The following CFAP298 variants were observed in gnomAD, a reference collection of about 807,000 sequenced individuals.
CFAP298 encodes the protein cilia and flagella associated protein 298, also known as cilia- and flagella-associated protein 298.
CFAP298 carries 38 observed loss-of-function variants against 41.0 expected under a neutral mutation model. The observed-to-expected ratio is 0.93, with a 90% CI of 0.72 to 1.22. The LOEUF is 1.22. Ranked by LOEUF, CFAP298 falls within the 50% of genes most tolerant of loss-of-function variation. CFAP298 has a pLI of 0.00. For missense variants in CFAP298, 348 were observed against 360.3 expected (o/e 0.97, Z 0.28); for synonymous variants, 137 against 135.3 (o/e 1.01, Z -0.09).
chr21:32,611,302 T>TCA (rs1164125067), intron 1 of CFAP298, among the ~76,000 whole-genome samples: 6 of 140,678 alleles, frequency 4.3e-5, no homozygotes, highest in Admixed American at 1.4e-4. Flanking sequence ...ACCCTGTCTC[T>TCA]CACACACACA....
chr21:32,607,016 T>C (rs1202779838), intron 3 of CFAP298, among the ~76,000 whole-genome samples: 2 of 152,162 alleles, frequency 1.3e-5, no homozygotes, highest in African/African-American at 4.8e-5. Flanking sequence ...AATATTCAAA[T>C]CTCCCCTACT....
rs1181863916 is a variant in CFAP298, at chr21:32,609,868, T to C, written c.277A>G (p.Lys93Glu). The change falls in exon 2 of 7, where the codon AAG (lysine) becomes GAG (glutamate). Residue 93 changes from lysine (K) to glutamate (E), a missense_variant. By Grantham distance (56) the Lys-to-Glu change is moderately conservative. Coordinates refer to ENST00000290155, the MANE Select transcript of CFAP298 (RefSeq NM_021254.4). ...CVPSGGAVFK[K>E]DDIGRRNGQA... The stretch of plus-strand genomic sequence containing the variant: ...CCATTCCTTCGTCCAATATCATCCT[T>C]TTTAAACACTGCACCTCCGCTGGGT... The C allele has an allele frequency of 6.2e-7, 1 of 1,614,080 alleles. No homozygotes were observed. The highest frequency in any genetic ancestry group is 8.5e-7 in the Non-Finnish European group (1 of 1,180,016).
chr21:32,612,274 G>A lies in CFAP298; in HGVS notation c.-31C>T, dbSNP rs1224177143. 9 of 1,449,236 alleles carry A rather than the reference G, an allele frequency of 6.2e-6. No individual in the cohort carries two copies. The highest frequency in any genetic ancestry group is 7.6e-6 in the Non-Finnish European group (8 of 1,050,594). The allele number at this position is 1,449,236 out of a possible 1,614,324, so 89.8% of individuals were successfully genotyped here. ...TCCCGCCGAGGTACTGAGGCGTTGA[G>A]AAGGCCCCGGCTGCGTGGCCCGCGG... On this transcript the variant is annotated 5_prime_UTR_variant, in exon 1 of 7. Coordinates refer to ENST00000290155, the MANE Select transcript of CFAP298 (RefSeq NM_021254.4).
At chr21:32,605,699 G>A (rs1568993796) in intron 3 of CFAP298, among the ~76,000 whole-genome samples, 1 of 152,202 alleles carries the variant, frequency 6.6e-6, no homozygotes, top group African/African-American at 2.4e-5. Flanking sequence ...CACAAGTATG[G>A]GTGGCCTGGG....
At chr21:32,602,519 A>G (rs1007045986) in intron 5 of CFAP298, 152 bp from the exon 6 acceptor site, 19 of 1,440,484 alleles carry the variant, frequency 1.3e-5, no homozygotes, top group Non-Finnish European at 1.7e-5. Flanking sequence ...GCATCAAGGG[A>G]AGCCTTGGTC....
chr21:32,609,821 G>A lies in CFAP298; in HGVS notation c.307+17C>T. On this transcript the variant is annotated intron_variant, in intron 2 of 6. Coordinates refer to ENST00000290155, the MANE Select transcript of CFAP298 (RefSeq NM_021254.4). The stretch of plus-strand genomic sequence containing the variant: ...GCCTGTATCAAGCATGCACATAGAA[G>A]AGAAATCCTCACTTACCTTGCCCAT... 6.2e-7 allele frequency: 1 copy of A among 1,607,194 alleles called. No homozygotes were observed. Among genetic ancestry groups the A allele is most frequent in the Non-Finnish European group, 8.5e-7 (1 of 1,175,652 alleles).
At chr21:32,612,049 TC>T in intron 1 of CFAP298, 55 bp downstream of exon 1, 1 of 1,475,630 alleles carries the variant, frequency 6.8e-7, no homozygotes, top group East Asian at 2.6e-5. Flanking sequence ...CCCCTCTTTC[TC>T]CATCCCACGC....
intron 3 of CFAP298, among the ~76,000 whole-genome samples, chr21:32,606,426 G>A (rs905204922): frequency 1.3e-5 from 2 of 152,120 alleles, no homozygotes; most frequent in Non-Finnish European, 2.9e-5. Context: ...GAAGTGAGGC[G>A]ACCGAGAGAG....
rs377551096 is a variant in CFAP298 at position 32,601,454 on chromosome 21, T to C, written c.*409A>G. On this transcript the variant is annotated 3_prime_UTR_variant, in exon 7 of 7. Coordinates refer to ENST00000290155, the MANE Select transcript of CFAP298 (RefSeq NM_021254.4). ...CTGGGACTACAGGCGCCTGCCACCA[T>C]GCCCGGCTAATTTTTTGTATTTTTA... is the stretch of plus-strand genomic sequence containing the variant. Among the ~76,000 whole-genome samples the C allele has an allele frequency of 9.4e-4, 142 of 151,870 alleles. 2 individuals carry two copies. The highest frequency in any genetic ancestry group is 1.0e-3 in the Non-Finnish European group (68 of 67,902).
rs1422223421 is a variant in CFAP298 at position 32,599,545 on chromosome 21, CCA to C, written c.*2316_*2317del. Among the ~76,000 whole-genome samples the C allele has an allele frequency of 6.6e-6, 1 of 152,120 alleles. No individual in the cohort carries two copies. The highest frequency in any genetic ancestry group is 1.5e-5 in the Non-Finnish European group (1 of 68,020). Reference sequence around the variant, plus strand: ...AAAAAAGAAGAAAATAACAACAAGACCACAGACTTAAGCTGATCAGTGGTCTA... The same window carrying C: ...AAAAAAGAAGAAAATAACAACAAGACCAGACTTAAGCTGATCAGTGGTCTA... On this transcript the variant is annotated 3_prime_UTR_variant, in exon 7 of 7. Transcript: ENST00000290155.
Position 32,602,364 on chromosome 21 carries a change from C to T in CFAP298, c.670G>A (p.Gly224Arg), listed in dbSNP as rs758921317. The T allele has an allele frequency of 2.5e-6, 4 of 1,612,834 alleles. No homozygotes were observed. The South Asian group carries it at 4.4e-5, about 18-fold the overall frequency. ...GGCTCTCGGGCTGGAGCTCCCTGTC[C>T]CCTCTGCAAAGAGGAGAGCAGAGCA... ...TKIIAKIQQRGQGAPAREPII... is the reference protein window; with the variant it reads ...TKIIAKIQQRRQGAPAREPII... Residue 224 changes from glycine to arginine, a missense_variant, in exon 6 of 7, where the codon GGA (glycine) becomes AGA (arginine). Gly to Arg is a moderately radical substitution (Grantham distance 125). Coordinates refer to ENST00000290155, the MANE Select transcript of CFAP298 (RefSeq NM_021254.4).
chr21:32,600,011 G>T lies in CFAP298; in HGVS notation c.*1852C>A, dbSNP rs2038710552. Among the ~76,000 whole-genome samples, 1 of 152,174 alleles carries T rather than the reference G, an allele frequency of 6.6e-6. No individual in the cohort carries two copies. Among genetic ancestry groups the T allele is most frequent in the Non-Finnish European group, 1.5e-5 (1 of 68,026 alleles). ...TGCAGGCTCAGTAAGACTTTCTAAT[G>T]ATATTGAAGTAGTAGTTCCCTGAAA... On this transcript the variant is annotated 3_prime_UTR_variant, in exon 7 of 7. Transcript: ENST00000290155.
intron 1 of CFAP298, among the ~76,000 whole-genome samples, chr21:32,610,257 C>CGCGATCTCAGCTCACTGCA (rs930858799): frequency 4.7e-4 from 71 of 152,196 alleles, no homozygotes; most frequent in African/African-American, 1.7e-3. Flanking sequence ...AGTGCAGTGG[C>CGCGATCTCAGCTCACTGCA]GCGATCTCAG....
chr21:32,601,376 T>C lies in CFAP298; in HGVS notation c.*487A>G, dbSNP rs1839680566. ...CAGTGGCAGTGATCTTGGCTCACTG[T>C]AAGCTCCACCTCCCGGGTTCACGCC... On this transcript the variant is annotated 3_prime_UTR_variant, in exon 7 of 7. Coordinates refer to ENST00000290155, the MANE Select transcript of CFAP298 (RefSeq NM_021254.4). 6.8e-6 allele frequency among the ~76,000 whole-genome samples: 1 copy of C among 147,820 alleles called. No homozygotes were observed. The highest frequency in any genetic ancestry group is 2.2e-4 in the South Asian group (1 of 4,570).
Position 32,611,318 on chromosome 21 carries a change from CATAT to C in CFAP298, c.139+783_139+786del, listed in dbSNP as rs71193198. 5.2e-5 allele frequency among the ~76,000 whole-genome samples: 6 copies of C among 114,842 alleles called. 1 individual carries two copies. Among genetic ancestry groups the C allele is most frequent in the South Asian group, 2.9e-4 (1 of 3,448 alleles). 75.3% of individuals were successfully genotyped at this position (114,842 alleles called of 152,430 possible). On this transcript the variant is annotated intron_variant, in intron 1 of 6. Transcript: ENST00000290155. ...CCCTGTCTCTCACACACACACATAC[CATAT>C]ATATATATATATATATAATTTATTT... is the stretch of plus-strand genomic sequence containing the variant.
At chr21:32,611,339 A>ATATATATATATATATATATATAAT (rs1555884102) in intron 1 of CFAP298, among the ~76,000 whole-genome samples, 1 of 124,118 alleles carries the variant, frequency 8.1e-6, no homozygotes. Context: ...ATATATATAT[A>ATATATATATATATATATATATAAT]ATTTATTTAT....
chr21:32,601,948 G>A lies in CFAP298; in HGVS notation c.788C>T (p.Ala263Val), dbSNP rs1447847759. 2 of 1,606,500 alleles carry A rather than the reference G, an allele frequency of 1.2e-6. No homozygotes were observed. The highest frequency in any genetic ancestry group is 2.2e-5 in the South Asian group (2 of 90,938). The change falls in exon 7 of 7, where the codon GCC becomes GTC. Residue 263 changes from alanine to valine, a missense_variant. By Grantham distance (64) the Ala-to-Val change is moderately conservative (BLOSUM62 0). Coordinates refer to ENST00000290155, the MANE Select transcript of CFAP298 (RefSeq NM_021254.4). ...ATCCGCCCATGGTGAGTTTAAATAG[G>A]CATCATCATCATTTTCTTCCAATCT... ...LKRLEENDDD[A>V]YLNSPWADNT...
intron 5 of CFAP298, 184 bp from the exon 6 acceptor site, chr21:32,602,551 AC>A (rs2038767716): frequency 7.1e-7 from 1 of 1,413,050 alleles, no homozygotes; most frequent in Admixed American, 3.0e-5. Flanking sequence ...TGAGCCCTGG[AC>A]TCTCACTGTG....
chr21:32,602,071 C>G, intron 6 of CFAP298, 98 bp from the exon 7 acceptor site: 1 of 906,604 alleles, frequency 1.1e-6, no homozygotes, highest in Non-Finnish European at 1.8e-6. Flanking sequence ...TCCCCCTCTC[C>G]CTGCCCTCTA....
Sources: allele counts gnomAD v4.1 joint callset (sites outside exome capture counted in the v4.1 genomes callset), GRCh38; gene constraint gnomAD v4.1.1; transcripts MANE v1.5; gene names NCBI Gene and HGNC (gene_info 2026-07-23, HGNC 2026-07-21).